RBM19: variants seen among roughly 807,000 people sequenced by gnomAD.
The protein encoded by RBM19 is probable RNA-binding protein 19.
In RBM19, 94 loss-of-function variants were observed where a neutral mutation model predicts 116.8. That is an observed-to-expected ratio of 0.80 (90% CI 0.68 to 0.95). The LOEUF (loss-of-function observed/expected upper bound fraction) is 0.95. Ranked by LOEUF, RBM19 falls within the 40% of genes least tolerant of loss-of-function variation. The pLI, the probability that RBM19 is intolerant of heterozygous loss-of-function variation, is 0.00. For missense variants in RBM19, 1,161 were observed against 1,220.7 expected, an observed-to-expected ratio of 0.95 and a Z score of 0.73; for synonymous variants, 475 against 494.1, an observed-to-expected ratio of 0.96 and a Z score of 0.51.
chr12:113,871,513 T>C (rs1341747411), intron 21 of RBM19, among the ~76,000 whole-genome samples: 1 of 152,232 alleles, frequency 6.6e-6, no homozygotes, highest in Non-Finnish European at 1.5e-5. Context: ...CTCTGCTCTG[T>C]AGCGTGAAAG....
In RBM19 at chr12:113,858,795, G is replaced by A. The variant is rs755751973; in HGVS notation, c.2660C>T (p.Ala887Val). The A allele has an allele frequency of 3.7e-6, 6 of 1,613,582 alleles. No homozygotes were observed. The highest frequency in any genetic ancestry group is 1.3e-5 in the African/African-American group (1 of 74,886). Residue 887 changes from alanine to valine, a missense_variant, in exon 22 of 24, where the codon GCG (alanine) becomes GTG (valine). Transcript: ENST00000261741. ...GGAAGGGATTCACGGTCTCACCTTC[G>A]CATCCTGCTTGGTGAGGAAGTCCAC... ...GFVDFLTKQD[A>V]KRAFNALCHS...
intron 21 of RBM19, among the ~76,000 whole-genome samples, chr12:113,910,779 GTTT>G (rs1009998343): frequency 6.6e-6 from 1 of 152,044 alleles, no homozygotes; most frequent in African/African-American, 2.4e-5. Context: ...AGCCAGCTCT[GTTT>G]TTAACACCAC....
At chr12:113,886,535 C>T (rs1880528403) in intron 21 of RBM19, among the ~76,000 whole-genome samples, 1 of 152,210 alleles carries the variant, frequency 6.6e-6, no homozygotes, top group Non-Finnish European at 1.5e-5. Flanking sequence ...AATGCATGAA[C>T]AGCTGCAATG....
chr12:113,915,110 C>T (rs1463486759), intron 20 of RBM19, 25 bp from the exon 21 acceptor site: 1 of 1,583,630 alleles, frequency 6.3e-7, no homozygotes, highest in South Asian at 1.1e-5. Flanking sequence ...GGAGAGGGTC[C>T]AAGTTATTCG....
chr12:113,833,547 A>G (rs1361501687), intron 23 of RBM19, among the ~76,000 whole-genome samples: 1 of 152,166 alleles, frequency 6.6e-6, no homozygotes, highest in African/African-American at 2.4e-5. Flanking sequence ...CCTGCTTTGA[A>G]CACACTCTGA....
At chr12:113,855,283 G>A (rs375477808) in intron 22 of RBM19, among the ~76,000 whole-genome samples, 16,652 of 152,204 alleles carry the variant, frequency 0.11, 1,185 homozygotes, top group East Asian at 0.23. Flanking sequence ...CACTGTTCTG[G>A]GAGTTGAGAT....
intron 23 of RBM19, among the ~76,000 whole-genome samples, chr12:113,833,874 G>C (rs1159915991): frequency 2.6e-5 from 4 of 152,072 alleles, no homozygotes; most frequent in Non-Finnish European, 4.4e-5. Flanking sequence ...CTCCCGAGTA[G>C]CTGGGACTAC....
At chr12:113,913,865 C>T (rs1247769428) in intron 21 of RBM19, among the ~76,000 whole-genome samples, 2 of 152,198 alleles carry the variant, frequency 1.3e-5, no homozygotes, top group African/African-American at 4.8e-5. Context: ...TGGATCCCAC[C>T]GAAGCCTCAA....
chr12:113,833,176 C>T (rs1875583964), intron 23 of RBM19, among the ~76,000 whole-genome samples: 1 of 152,180 alleles, frequency 6.6e-6, no homozygotes, highest in African/African-American at 2.4e-5. Flanking sequence ...TGGGCCTCTG[C>T]TCACCATGCA....
intron 17 of RBM19, 64 bp downstream of exon 17, chr12:113,926,990 C>T: frequency 1.3e-6 from 2 of 1,514,684 alleles, no homozygotes; most frequent in Non-Finnish European, 1.8e-6. Flanking sequence ...AATGCAGTGG[C>T]CGTATCAGTA....
intron 22 of RBM19, among the ~76,000 whole-genome samples, chr12:113,850,286 C>T (rs1877351536): frequency 6.6e-6 from 1 of 152,176 alleles, no homozygotes; most frequent in African/African-American, 2.4e-5. Flanking sequence ...CTTGGCCCTA[C>T]TCAGAATTTG....
chr12:113,954,665 C>T (rs1871756320), intron 7 of RBM19, among the ~76,000 whole-genome samples: 1 of 152,220 alleles, frequency 6.6e-6, no homozygotes, highest in Non-Finnish European at 1.5e-5. Flanking sequence ...AAGTGTTCTT[C>T]TGCTGTTACA....
chr12:113,961,875 C>CCAG (rs1483953277), intron 2 of RBM19, among the ~76,000 whole-genome samples: 1 of 152,238 alleles, frequency 6.6e-6, no homozygotes, highest in Non-Finnish European at 1.5e-5. Flanking sequence ...CTCTAAACTC[C>CCAG]CAGCATCATT....
chr12:113,928,625 A>ATGTGTGTGTGTGTGTGTGTGTGTGTG (rs57242923), intron 16 of RBM19, among the ~76,000 whole-genome samples: 17 of 120,420 alleles, frequency 1.4e-4, no homozygotes, highest in African/African-American at 5.1e-4. Context: ...TTAGCAAGGG[A>ATGTGTGTGTGTGTGTGTGTGTGTGTG]TGTGTGTGTG....
intron 23 of RBM19, among the ~76,000 whole-genome samples, chr12:113,835,042 G>A (rs1375475927): frequency 1.3e-5 from 2 of 151,892 alleles, no homozygotes; most frequent in Non-Finnish European, 2.9e-5. Context: ...GCGGTGCTTC[G>A]AAGCACCCAG....
intron 21 of RBM19, among the ~76,000 whole-genome samples, chr12:113,899,717 C>G (rs1881559021): frequency 6.6e-6 from 1 of 152,204 alleles, no homozygotes; most frequent in Admixed American, 6.5e-5. Flanking sequence ...TTGAGACCTC[C>G]CTTTTCCGTG....
rs141389101 is a variant in RBM19 at position 113,898,159 on chromosome 12, G to A, written c.2558+16810C>T. Among the ~76,000 whole-genome samples, 456 of 152,168 alleles carry A rather than the reference G, an allele frequency of 3.0e-3. 5 individuals are homozygous for A. The highest frequency in any genetic ancestry group is 0.01 in the African/African-American group (430 of 41,502). ...CTCTAATTAGGGTCTGCTGCCTCTC[G>A]GATACATTTGGGCATATATACCTGT... On this transcript the variant is annotated intron_variant, in intron 21 of 23. Coordinates refer to ENST00000261741, the MANE Select transcript of RBM19 (RefSeq NM_016196.4). This position sits in a 1 kb window ranked among gnomAD's most constrained non-coding sequence, Gnocchi z 4.3.
At chr12:113,944,752 T>C (rs1024976239) in intron 13 of RBM19, among the ~76,000 whole-genome samples, 2 of 151,914 alleles carry the variant, frequency 1.3e-5, no homozygotes, top group African/African-American at 4.8e-5. Flanking sequence ...CTATGAGCTA[T>C]GGTCATGTCA....
intron 1 of RBM19, among the ~76,000 whole-genome samples, chr12:113,963,335 C>A (rs2135947657): frequency 6.6e-6 from 1 of 152,306 alleles, no homozygotes; most frequent in Middle Eastern, 3.4e-3. Flanking sequence ...TGCAGCCAGG[C>A]TACCCTCACA....
Sources: allele counts gnomAD v4.1 joint callset (sites outside exome capture counted in the v4.1 genomes callset), GRCh38; gene constraint gnomAD v4.1.1; non-coding constraint Gnocchi (gnomAD v3.1); transcripts MANE v1.5; gene names NCBI Gene and HGNC (gene_info 2026-07-23, HGNC 2026-07-21).